KANK1: variants seen among roughly 807,000 people sequenced by gnomAD.
The protein encoded by KANK1 is KN motif and ankyrin repeat domain-containing protein 1.
Under a neutral mutation model 106.2 loss-of-function variants are expected in KANK1, and 109 were observed. The observed-to-expected ratio is 1.03, with a 90% confidence interval of 0.88 to 1.20. KANK1 has a LOEUF of 1.20. Among genes scored for constraint, KANK1 ranks in the 50% most tolerant of loss-of-function variants. The pLI is 0.00. For missense variants in KANK1, 2,399 were observed against 1,710.7 expected (o/e 1.40, Z -7.10); for synonymous variants, 873 against 652.2 (o/e 1.34, Z -5.16).
At chr9:526,437 G>A (rs1197159739) in intron 1 of KANK1, among the ~76,000 whole-genome samples, 1 of 151,724 alleles carries the variant, frequency 6.6e-6, no homozygotes, top group Admixed American at 6.6e-5. Context: ...TTAAGGCTGG[G>A]TGTGGTGGCT....
chr9:590,692 C>G (rs1824650282), intron 1 of KANK1, among the ~76,000 whole-genome samples: 1 of 148,988 alleles, frequency 6.7e-6, no homozygotes, highest in East Asian at 1.9e-4. Flanking sequence ...TACAGAAATG[C>G]ACCCTGCTTT....
chr9:675,510 T>A (rs1393708055), intron 1 of KANK1, among the ~76,000 whole-genome samples: 4 of 152,048 alleles, frequency 2.6e-5, no homozygotes, highest in Non-Finnish European at 4.4e-5. Context: ...TTTTTTGTAT[T>A]TTTTTTTCTT....
intron 1 of KANK1, among the ~76,000 whole-genome samples, chr9:664,053 T>G (rs1446173241): frequency 1.3e-5 from 2 of 152,152 alleles, no homozygotes; most frequent in East Asian, 3.8e-4. Context: ...TGGGAGGTAA[T>G]TGAATCATGG....
At chr9:713,817 A>AT (rs1443212423) in intron 3 of KANK1, among the ~76,000 whole-genome samples, 19 of 152,046 alleles carry the variant, frequency 1.2e-4, no homozygotes, top group Non-Finnish European at 2.4e-4. Flanking sequence ...GCCTTTAAAA[A>AT]ATCCTACCCT....
intron 2 of KANK1, among the ~76,000 whole-genome samples, chr9:472,468 A>C (rs913790830): frequency 6.6e-6 from 1 of 152,050 alleles, no homozygotes; most frequent in Non-Finnish European, 1.5e-5. Context: ...CAGTTGCTGC[A>C]AATGCTGAAA....
chr9:578,464 C>CT (rs376510070), intron 1 of KANK1, among the ~76,000 whole-genome samples: 2,162 of 147,090 alleles, frequency 0.015, 54 homozygotes, highest in African/African-American at 0.049. Context: ...AAGAAAAAGC[C>CT]TTTTTTTTTT....
Position 711,840 on chromosome 9 carries a change from A to G in KANK1, c.1074A>G (p.Glu358=), listed in dbSNP as rs1457654382. ...DYEEEEMETV[E]QSTQRIKEFR... is the part of the protein sequence containing the mutation. ...AGGAGGAAGAAATGGAGACCGTAGA[A>G]CAGAGCACGCAGAGGATAAAGGAGT... The change falls in exon 3 of 12, where the codon GAA becomes GAG. Residue 358 remains glutamate (E), a synonymous_variant. Coordinates refer to ENST00000382297, the MANE Select transcript of KANK1 (RefSeq NM_015158.5). 6.2e-7 allele frequency: 1 copy of G among 1,614,190 alleles called. No individual in the cohort carries two copies. The highest frequency in any genetic ancestry group is 1.7e-5 in the Admixed American group (1 of 60,026).
chr9:524,563 G>C (rs951123039), intron 1 of KANK1, among the ~76,000 whole-genome samples: 23 of 151,694 alleles, frequency 1.5e-4, no homozygotes, highest in African/African-American at 5.4e-4. Flanking sequence ...TGTCACCCAG[G>C]CTGAAGTGCA....
At chr9:511,358 C>A (rs1299199233) in intron 1 of KANK1, among the ~76,000 whole-genome samples, 1 of 152,148 alleles carries the variant, frequency 6.6e-6, no homozygotes, top group Non-Finnish European at 1.5e-5. Context: ...GACTGCTGAG[C>A]CAGCCTGGTG....
chr9:505,880 G>A (rs1243484584), intron 1 of KANK1, among the ~76,000 whole-genome samples: 1 of 152,176 alleles, frequency 6.6e-6, no homozygotes, highest in Non-Finnish European at 1.5e-5. Context: ...GGGTCTGTTT[G>A]CTTATATTGA....
chr9:627,843 G>C lies in KANK1; in HGVS notation c.-83-49047G>C, dbSNP rs140728244. 8.0e-3 allele frequency among the ~76,000 whole-genome samples: 1,219 copies of C among 152,174 alleles called. 21 individuals are homozygous for C. The highest frequency in any genetic ancestry group is 0.028 in the African/African-American group (1,153 of 41,520). ...TGATAACCAGCCCTCAGGAATTTTA[G>C]GCCAAATAGGGCTAGGGCCAGATGC... On this transcript the variant is annotated intron_variant, in intron 1 of 11. Transcript: ENST00000382297.
At position 738,278 on chromosome 9, in the gene KANK1, T is replaced by C. The variant is rs772723394; in HGVS notation, c.3334-7T>C. The C allele has an allele frequency of 1.9e-6, 3 of 1,608,144 alleles. No homozygotes were observed. The East Asian group carries it at 6.7e-5, about 36-fold the overall frequency. ...GAAGAACTAACGACCACTTGGTGTT[T>C]TGGCAGAGGTTCTGTCTGAACACCC... On this transcript the variant is annotated splice_region_variant and splice_polypyrimidine_tract_variant and intron_variant, in intron 7 of 11. Transcript: ENST00000382297.
chr9:725,218 A>C (rs1281173362), intron 3 of KANK1, among the ~76,000 whole-genome samples: 1 of 152,170 alleles, frequency 6.6e-6, no homozygotes, highest in Non-Finnish European at 1.5e-5. Flanking sequence ...TCCTGAACCT[A>C]GCTGGCCTTC....
intron 1 of KANK1, among the ~76,000 whole-genome samples, chr9:543,800 C>T (rs1394535393): frequency 2.0e-5 from 3 of 152,104 alleles, no homozygotes; most frequent in Non-Finnish European, 2.9e-5. Flanking sequence ...CAAGACTTGA[C>T]ATTTCTCTAG....
chr9:503,707 T>C (rs1422386303), upstream of KANK1, among the ~76,000 whole-genome samples: 1 of 152,222 alleles, frequency 6.6e-6, no homozygotes, highest in East Asian at 1.9e-4. Context: ...CTGGTTTTTA[T>C]AAAGTCGTCC....
intron 6 of KANK1, chr9:733,309 G>A (rs1436709206): frequency 2.6e-5 from 4 of 152,216 alleles, no homozygotes; most frequent in Admixed American, 6.5e-5. Flanking sequence ...GAACATTTCA[G>A]AAAACTTACC....
At position 711,895 on chromosome 9, in the gene KANK1, C is replaced by T. The variant is rs754448934; in HGVS notation, c.1129C>T (p.Leu377=). Residue 377 remains leucine, a synonymous_variant, in exon 3 of 12, where the codon CTG becomes TTG. Coordinates refer to ENST00000382297, the MANE Select transcript of KANK1 (RefSeq NM_015158.5). ...FRQLTADMQA[L]EQKIQDSSCE... is the part of the protein sequence containing the mutation. ...GCAACTTACAGCAGACATGCAAGCCCTGGAGCAGAAGATCCAGGACAGCAG... is the reference window on the plus strand; with the variant it reads ...GCAACTTACAGCAGACATGCAAGCCTTGGAGCAGAAGATCCAGGACAGCAG... 2 of 1,614,164 alleles carry T rather than the reference C, an allele frequency of 1.2e-6. No individual in the cohort carries two copies. The highest frequency in any genetic ancestry group is 8.5e-7 in the Non-Finnish European group (1 of 1,180,028).
intron 1 of KANK1, chr9:548,979 T>C (rs2061103974): frequency 6.6e-6 from 1 of 152,142 alleles, no homozygotes; most frequent in East Asian, 1.9e-4. Context: ...AGAAATTTTA[T>C]GGTCTGGTCA....
chr9:612,565 T>C (rs963946490), intron 1 of KANK1, among the ~76,000 whole-genome samples: 1 of 152,114 alleles, frequency 6.6e-6, no homozygotes, highest in Non-Finnish European at 1.5e-5. Context: ...GTTAAAAACG[T>C]TTCATATTAA....
Sources: gnomAD v4.1 joint callset for allele counts (sites outside exome capture counted in the v4.1 genomes callset) on GRCh38, gnomAD v4.1.1 for gene constraint, MANE v1.5 for transcripts, NCBI Gene and HGNC (gene_info 2026-07-23, HGNC 2026-07-21) for gene names.